TOGARAM2: variants seen among roughly 807,000 people sequenced by gnomAD.
TOGARAM2 encodes TOG array regulator of axonemal microtubules protein 2.
In TOGARAM2, 85 loss-of-function variants were observed where a neutral mutation model predicts 93.3. That is an observed-to-expected ratio of 0.91 (90% confidence interval 0.76 to 1.09). The LOEUF is 1.09. TOGARAM2 is among the 50% of genes least tolerant of loss of function. TOGARAM2 has a pLI of 0.00. For missense variants in TOGARAM2, 1,277 were observed against 1,334.5 expected (o/e 0.96, Z 0.67); for synonymous variants, 593 against 552.8 (o/e 1.07, Z -1.02).
chr2:28,973,039 G>A (rs1323971179), intron 1 of TOGARAM2, among the ~76,000 whole-genome samples: 2 of 152,176 alleles, frequency 1.3e-5, no homozygotes, highest in Admixed American at 6.5e-5. Flanking sequence ...GTTTGCCTCC[G>A]AGTCCTCTTT....
At chr2:29,027,742 C>A (rs1665498338) in intron 14 of TOGARAM2, among the ~76,000 whole-genome samples, 1 of 152,080 alleles carries the variant, frequency 6.6e-6, no homozygotes, top group African/African-American at 2.4e-5. Context: ...ACTGAGGGTT[C>A]AGAGAACCTT....
rs780119370 is a variant in TOGARAM2 at position 28,999,471 on chromosome 2, G to A, written c.427+3G>A. On this transcript the variant is annotated splice_donor_region_variant and intron_variant, in intron 4 of 19. Coordinates refer to ENST00000379558, the MANE Select transcript of TOGARAM2 (RefSeq NM_199280.4). ...GGGCTTGGCAGCGTCTTCCCGAGGT[G>A]AGCACTGGCCCCTGCCCACCCCTCA... is the stretch of plus-strand genomic sequence containing the variant. The A allele has an allele frequency of 5.6e-6, 9 of 1,596,068 alleles. No homozygotes were observed. In the South Asian group the frequency reaches 9.1e-5, roughly 16 times the overall value.
chr2:28,991,580 G>A (rs1672734655), intron 1 of TOGARAM2, among the ~76,000 whole-genome samples: 2 of 152,206 alleles, frequency 1.3e-5, no homozygotes, highest in Admixed American at 1.3e-4. Flanking sequence ...GTGGTGTCAT[G>A]ACAGAAAGAG....
In TOGARAM2 at chr2:28,998,127, G is replaced by C; in HGVS notation, c.29-16G>C. On this transcript the variant is annotated splice_polypyrimidine_tract_variant and intron_variant, in intron 2 of 19. Transcript: ENST00000379558. Reference sequence around the variant, plus strand: ...GAGGACTCTCAGGTGCTGCTCTCCTGTGCTTCTGTCTCCAGCCAAGGTCCT... The same window carrying C: ...GAGGACTCTCAGGTGCTGCTCTCCTCTGCTTCTGTCTCCAGCCAAGGTCCT... 1 of 1,577,202 alleles carries C rather than the reference G, an allele frequency of 6.3e-7. No individual in the cohort carries two copies. The highest frequency in any genetic ancestry group is 1.8e-5 in the Admixed American group (1 of 55,832).
chr2:29,030,978 AG>A (rs1665734734), intron 14 of TOGARAM2, among the ~76,000 whole-genome samples: 2 of 152,210 alleles, frequency 1.3e-5, no homozygotes, highest in Admixed American at 6.5e-5. Context: ...TATCATTAAA[AG>A]TGACTGTTAT....
intron 14 of TOGARAM2, 52 bp downstream of exon 14, chr2:29,027,063 C>T: frequency 1.3e-6 from 2 of 1,482,938 alleles, no homozygotes; most frequent in South Asian, 1.3e-5. Flanking sequence ...ACCAGCCAGC[C>T]CTGAGGGGCC....
In TOGARAM2 at chr2:29,014,503, G is replaced by A. The variant is rs754724066; in HGVS notation, c.986G>A (p.Cys329Tyr). 6.3e-7 allele frequency: 1 copy of A among 1,583,008 alleles called. No individual in the cohort carries two copies. The highest frequency in any genetic ancestry group is 8.6e-7 in the Non-Finnish European group (1 of 1,164,672). The change falls in exon 8 of 20, where the codon TGT (cysteine) becomes TAT (tyrosine). Residue 329 changes from cysteine to tyrosine, a missense_variant. Coordinates refer to ENST00000379558, the MANE Select transcript of TOGARAM2 (RefSeq NM_199280.4). ...APTLTAFSFD[C>Y]AREACPPLKE... ...ACGCTGACAGCCTTCTCCTTTGACT[G>A]TGCCAGAGAAGCCTGCCCTCCGCTG...
At position 29,035,569 on chromosome 2, in the gene TOGARAM2, G is replaced by T; in HGVS notation, c.2331G>T (p.Lys777Asn). The T allele has an allele frequency of 6.3e-7, 1 of 1,591,278 alleles. No homozygotes were observed. Among genetic ancestry groups the T allele is most frequent in the Non-Finnish European group, 8.6e-7 (1 of 1,168,296 alleles). ...AGCTGACACGGCTGCTGGAGGCCAA[G>T]GACTTCCGGTCCCGGATGGAAGGCG... ...LRELTRLLEA[K>N]DFRSRMEGVG... The change falls in exon 17 of 20, where the codon AAG (lysine) becomes AAT (asparagine). Residue 777 changes from lysine (K) to asparagine (N), a missense_variant. Lys to Asn is a moderately conservative substitution (Grantham distance 94). Transcript: ENST00000379558.
rs188044769 is a variant in TOGARAM2, at chr2:28,966,854, C to T, written c.-147+10157C>T. On this transcript the variant is annotated intron_variant, in intron 1 of 6. Coordinates refer to the TOGARAM2 transcript ENST00000401723. ...CCCAAGAGCACAGGAGAAATGGCAC[C>T]CATTTTTCATGTGTATTATGACAGC... Among the ~76,000 whole-genome samples, 34 of 152,166 alleles carry T rather than the reference C, an allele frequency of 2.2e-4. No individual in the cohort carries two copies. In the East Asian group the frequency reaches 5.0e-3, roughly 22 times the overall value.
At chr2:29,018,765 G>C in intron 10 of TOGARAM2, among the ~76,000 whole-genome samples, 1 of 152,152 alleles carries the variant, frequency 6.6e-6, no homozygotes. Context: ...AAAGAAAAGA[G>C]GTTTAATTGG....
In TOGARAM2 at chr2:28,998,832, C is replaced by T. The variant is rs1370271652; in HGVS notation, c.140-349C>T. On this transcript the variant is annotated intron_variant, in intron 3 of 19. Coordinates refer to ENST00000379558, the MANE Select transcript of TOGARAM2 (RefSeq NM_199280.4). ...AGTCTGTGCTTGGCATAGGTCAGTG[C>T]TCGGGGATCTGATGACTTTGTTGGA... Among the ~76,000 whole-genome samples, 3 of 152,136 alleles carry T rather than the reference C, an allele frequency of 2.0e-5. No homozygotes were observed. In the East Asian group the frequency reaches 5.8e-4, roughly 29 times the overall value.
At chr2:29,006,138 A>C (rs1039823284) in intron 6 of TOGARAM2, among the ~76,000 whole-genome samples, 2 of 127,138 alleles carry the variant, frequency 1.6e-5, no homozygotes, top group African/African-American at 6.1e-5. Context: ...TGTGTGTGAG[A>C]GCATGCATGT....
intron 19 of TOGARAM2, chr2:29,049,360 G>C (rs1437184237): frequency 2.6e-5 from 4 of 152,194 alleles, no homozygotes; most frequent in African/African-American, 9.7e-5. Context: ...ACCACATTTT[G>C]TTTATCCATT....
intron 18 of TOGARAM2, among the ~76,000 whole-genome samples, chr2:29,040,625 CT>C (rs1351492753): frequency 1.3e-5 from 2 of 152,324 alleles, no homozygotes; most frequent in Admixed American, 1.3e-4. Flanking sequence ...CCGACCTTCC[CT>C]TGGAACATGA....
At chr2:28,968,205 A>T (rs937004321) in intron 1 of TOGARAM2, among the ~76,000 whole-genome samples, 2 of 152,182 alleles carry the variant, frequency 1.3e-5, no homozygotes, top group Non-Finnish European at 2.9e-5. Flanking sequence ...ACTAGCTTAA[A>T]TAGAGTCAAT....
At chr2:28,999,769 C>A (rs1484735225) in intron 4 of TOGARAM2, among the ~76,000 whole-genome samples, 1 of 152,246 alleles carries the variant, frequency 6.6e-6, no homozygotes, top group Non-Finnish European at 1.5e-5. Context: ...CAACTATGCT[C>A]AAAATCAGCC....
At chr2:29,019,759 C>T (rs1664816868) in intron 10 of TOGARAM2, among the ~76,000 whole-genome samples, 1 of 152,158 alleles carries the variant, frequency 6.6e-6, no homozygotes, top group South Asian at 2.1e-4. Flanking sequence ...TATTTGAATC[C>T]TCCTCTTCTT....
chr2:28,958,167 T>C (rs1010754500), intron 1 of TOGARAM2, among the ~76,000 whole-genome samples: 2 of 152,186 alleles, frequency 1.3e-5, no homozygotes, highest in African/African-American at 4.8e-5. Context: ...CTGAGGTCCT[T>C]GATTGGTTGG....
At chr2:29,007,187 C>T (rs1218637830) in intron 6 of TOGARAM2, among the ~76,000 whole-genome samples, 1 of 152,134 alleles carries the variant, frequency 6.6e-6, no homozygotes, top group Admixed American at 6.5e-5. Flanking sequence ...CTGCTCTAGC[C>T]CTGGAACCAT....
Sources: allele counts gnomAD v4.1 joint callset (sites outside exome capture counted in the v4.1 genomes callset), GRCh38; gene constraint gnomAD v4.1.1; transcripts MANE v1.5; gene names NCBI Gene and HGNC (gene_info 2026-07-23, HGNC 2026-07-21).